The following S100A8 variants were observed in gnomAD, a reference collection of about 807,000 sequenced individuals.
The protein encoded by S100A8 is S100 calcium binding protein A8.
A neutral mutation model predicts 4.2 loss-of-function variants in S100A8; 1 was observed. The observed-to-expected ratio is 0.24, with a 90% CI of 0.08 to 1.12. The LOEUF is 1.12. Ranked by LOEUF, S100A8 falls within the 50% of genes most tolerant of loss-of-function variation. The probability of loss-of-function intolerance (pLI) is 0.53; values close to 1 mark genes in which losing one functional copy is unlikely to be tolerated. For missense variants in S100A8, 96 were observed against 111.8 expected (o/e 0.86, Z 0.64); for synonymous variants, 41 against 44.7 (o/e 0.92, Z 0.33).
At chr1:153,395,444 C>A (rs192372552), upstream of S100A8, among the ~76,000 whole-genome samples, 1 of 152,278 alleles carries the variant, frequency 6.6e-6, no homozygotes, top group Admixed American at 6.5e-5. Flanking sequence ...ATTCTGGATC[C>A]TCCTCTCCCT....
chr1:153,396,034 G>C (rs1318070418), upstream of S100A8, among the ~76,000 whole-genome samples: 1 of 152,234 alleles, frequency 6.6e-6, no homozygotes, highest in Non-Finnish European at 1.5e-5. Context: ...CCACAAGCGA[G>C]GCCTCGCTAT....
chr1:153,390,666 T>C, intron 1 of S100A8, 109 bp from the exon 2 acceptor site: 1 of 1,383,088 alleles, frequency 7.2e-7, no homozygotes, highest in Non-Finnish European at 9.9e-7. Flanking sequence ...TGGCCTGCAC[T>C]CTCCAAATAA....
At chr1:153,408,112 A>T in the S100A8 span, among the ~76,000 whole-genome samples, 1 of 152,348 alleles carries the variant, frequency 6.6e-6, no homozygotes, top group South Asian at 2.1e-4. Flanking sequence ...ACAAAGTTGG[A>T]TGGAGAATGA....
upstream of S100A8, chr1:153,391,265 C>G: frequency 1.1e-6 from 1 of 941,076 alleles, no homozygotes; most frequent in Non-Finnish European, 1.3e-6. Context: ...AAGAGGAAGG[C>G]ATTTGCTGGG....
chr1:153,400,988 T>TG, the S100A8 span, among the ~76,000 whole-genome samples: 1 of 152,162 alleles, frequency 6.6e-6, no homozygotes, highest in Non-Finnish European at 1.5e-5. Context: ...TGGCTGGGGA[T>TG]GGGGGGCAGA....
the S100A8 span, among the ~76,000 whole-genome samples, chr1:153,418,390 C>A: frequency 6.6e-6 from 1 of 152,070 alleles, no homozygotes; most frequent in Admixed American, 6.6e-5. Flanking sequence ...GGATGGTAGG[C>A]GAAAAAGTAT....
At chr1:153,401,653 C>A in the S100A8 span, among the ~76,000 whole-genome samples, 3 of 152,236 alleles carry the variant, frequency 2.0e-5, no homozygotes, top group Admixed American at 6.5e-5. Context: ...AGGAGGTTAC[C>A]CGAAACTGGC....
At chr1:153,403,567 C>A in the S100A8 span, among the ~76,000 whole-genome samples, 2 of 152,120 alleles carry the variant, frequency 1.3e-5, no homozygotes, top group African/African-American at 4.8e-5. Flanking sequence ...CACATTAACC[C>A]CCTCCCCACC....
At chr1:153,420,846 T>G in the S100A8 span, 1 of 152,118 alleles carries the variant, frequency 6.6e-6, no homozygotes, top group African/African-American at 2.4e-5. Flanking sequence ...CTGCCCTCCA[T>G]CATCCACCCC....
At chr1:153,413,175 A>G in the S100A8 span, among the ~76,000 whole-genome samples, 1 of 152,222 alleles carries the variant, frequency 6.6e-6, no homozygotes, top group African/African-American at 2.4e-5. Flanking sequence ...TACAGATTAT[A>G]TAATTAATTT....
At chr1:153,419,278 G>C in the S100A8 span, 8 of 1,614,084 alleles carry the variant, frequency 5.0e-6, no homozygotes, top group African/African-American at 1.3e-5. Flanking sequence ...CAGAGCCATG[G>C]AGCGGCGCCC....
the S100A8 span, among the ~76,000 whole-genome samples, chr1:153,403,450 A>G: frequency 5.9e-5 from 9 of 152,158 alleles, no homozygotes; most frequent in Non-Finnish European, 5.9e-5. Context: ...CTATGTAAAG[A>G]TATCTTCTCT....
the S100A8 span, among the ~76,000 whole-genome samples, chr1:153,408,287 C>G: frequency 2.0e-4 from 30 of 152,116 alleles, no homozygotes; most frequent in African/African-American, 7.2e-4. Context: ...CTTAAATGAC[C>G]TGATGGAGCT....
chr1:153,407,420 C>T, the S100A8 span, among the ~76,000 whole-genome samples: 1 of 152,312 alleles, frequency 6.6e-6, no homozygotes, highest in East Asian at 1.9e-4. Context: ...AGGCTGGGGG[C>T]AGGGTGCCCG....
the S100A8 span, chr1:153,419,496 G>A: frequency 1.5e-6 from 1 of 658,750 alleles, no homozygotes. Flanking sequence ...TGTCCCTCCA[G>A]CAACGTTCCC....
the S100A8 span, chr1:153,420,350 T>C: frequency 6.6e-6 from 1 of 152,344 alleles, no homozygotes; most frequent in African/African-American, 2.4e-5. Context: ...CTGGTGTCAC[T>C]TCCAGGCAAT....
At chr1:153,418,680 G>A in the S100A8 span, among the ~76,000 whole-genome samples, 3 of 152,180 alleles carry the variant, frequency 2.0e-5, no homozygotes, top group African/African-American at 7.2e-5. Flanking sequence ...GGGCTACTAG[G>A]TACCAAAGGG....
chr1:153,416,403 A>T, the S100A8 span: 1 of 278,286 alleles, frequency 3.6e-6, no homozygotes, highest in Non-Finnish European at 7.2e-6. Context: ...GGTGTGTCCC[A>T]CACACCTGAT....
At chr1:153,415,952 T>G in the S100A8 span, among the ~76,000 whole-genome samples, 1 of 152,366 alleles carries the variant, frequency 6.6e-6, no homozygotes, top group Middle Eastern at 3.4e-3. Context: ...GTGTGATGAT[T>G]TGTTGTGTTT....
Sources: allele counts gnomAD v4.1 joint callset (sites outside exome capture counted in the v4.1 genomes callset), GRCh38; gene constraint gnomAD v4.1.1; transcripts MANE v1.5; gene names NCBI Gene and HGNC (gene_info 2026-07-23, HGNC 2026-07-21).